The following DOCK8 variants were observed in gnomAD, a reference collection of about 807,000 sequenced individuals.
DOCK8 encodes dedicator of cytokinesis 8.
In DOCK8, 141 loss-of-function variants were observed where a neutral mutation model predicts 245.6. That is an observed-to-expected ratio of 0.57 (90% CI 0.50 to 0.66). DOCK8 has a LOEUF of 0.66. DOCK8 is among the 30% of genes least tolerant of loss of function. The probability of loss-of-function intolerance (pLI) is 0.00; values close to 1 mark genes in which losing one functional copy is unlikely to be tolerated. For missense variants in DOCK8, 2,965 were observed against 2,603.4 expected, an observed-to-expected ratio of 1.14 and a Z score of -3.02; for synonymous variants, 1,168 against 970.2, an observed-to-expected ratio of 1.20 and a Z score of -3.79.
intron 2 of DOCK8, among the ~76,000 whole-genome samples, chr9:284,745 T>C (rs1277712100): frequency 6.6e-6 from 1 of 152,200 alleles, no homozygotes; most frequent in African/African-American, 2.4e-5. Context: ...ATATACACCA[T>C]GGAATACTAT....
chr9:416,543 G>GA (rs1396634536), intron 29 of DOCK8, among the ~76,000 whole-genome samples: 2 of 151,962 alleles, frequency 1.3e-5, no homozygotes, highest in Non-Finnish European at 2.9e-5. Context: ...GCTGATGAGA[G>GA]AAAAAAACAG....
chr9:300,076 A>AAGCTAGTCTT (rs1250106961), intron 4 of DOCK8, among the ~76,000 whole-genome samples: 4 of 151,962 alleles, frequency 2.6e-5, no homozygotes, highest in African/African-American at 9.7e-5. Context: ...ATTAGTCACC[A>AAGCTAGTCTT]AGCTAGTCTT....
intron 1 of DOCK8, among the ~76,000 whole-genome samples, chr9:247,907 A>T (rs1393379382): frequency 6.6e-6 from 1 of 152,112 alleles, no homozygotes; most frequent in African/African-American, 2.4e-5. Context: ...TTAATAAATA[A>T]ACTAAAACAT....
intron 26 of DOCK8, among the ~76,000 whole-genome samples, chr9:400,064 TCACCATCACCATCACCACCACCTC>T (rs2054724370): frequency 1.0e-3 from 17 of 16,212 alleles, no homozygotes; most frequent in African/African-American, 1.1e-3. Context: ...ACCACCTCCT[TCACCATCACCATCACCACCACCTC>T]CACCATCACC....
chr9:428,233 G>A, intron 34 of DOCK8, 129 bp from the exon 35 acceptor site: 1 of 1,425,060 alleles, frequency 7.0e-7, no homozygotes, highest in Non-Finnish European at 9.8e-7. Flanking sequence ...GATACCCATG[G>A]TGGCTCACCA....
intron 14 of DOCK8, among the ~76,000 whole-genome samples, chr9:347,559 A>C (rs1410216): frequency 0.78 from 118,781 of 151,978 alleles, 47,115 homozygotes; most frequent in South Asian, 0.88. Context: ...GAAGCCCAGT[A>C]CTTGGTTTTA....
rs1563903392 is a variant in DOCK8, at chr9:307,335, TTTG to T, written c.528+2634_528+2636del. Among the ~76,000 whole-genome samples, 3 of 29,618 alleles carry T rather than the reference TTTG, an allele frequency of 1.0e-4. 1 individual carries two copies. Among genetic ancestry groups the T allele is most frequent in the African/African-American group, 1.5e-4 (2 of 13,040 alleles). 19.4% of individuals were successfully genotyped at this position (29,618 alleles called of 152,430 possible). On this transcript the variant is annotated intron_variant, in intron 5 of 47. Transcript: ENST00000432829. The stretch of plus-strand genomic sequence containing the variant: ...AGTCACTGTGTTGTGTGTGGTTTTT[TTTG>T]TTTTTTTTTTTTTTTTTTTTTTTTT...
intron 2 of DOCK8, among the ~76,000 whole-genome samples, chr9:276,414 T>C (rs1020305499): frequency 6.6e-6 from 1 of 152,234 alleles, no homozygotes; most frequent in African/African-American, 2.4e-5. Flanking sequence ...TTTTTCTTTT[T>C]GTTTTATTGG....
At chr9:432,521 A>G (rs1231971939) in intron 37 of DOCK8, among the ~76,000 whole-genome samples, 197 bp downstream of exon 37, 2 of 152,148 alleles carry the variant, frequency 1.3e-5, no homozygotes, top group Non-Finnish European at 2.9e-5. Context: ...CCCAGTCTCA[A>G]TATGCTAACA....
chr9:460,520 T>C (rs1012590550), intron 46 of DOCK8: 4 of 152,238 alleles, frequency 2.6e-5, no homozygotes, highest in Admixed American at 2.0e-4. Flanking sequence ...AGGGGTGATA[T>C]AGATTTCTCA....
intron 33 of DOCK8, among the ~76,000 whole-genome samples, chr9:425,975 G>C (rs529200541): frequency 6.6e-6 from 1 of 152,158 alleles, no homozygotes; most frequent in African/African-American, 2.4e-5. Flanking sequence ...GCAAGAACAG[G>C]TAAGTGGTAA....
chr9:453,713 C>A (rs1049276729), intron 46 of DOCK8, among the ~76,000 whole-genome samples: 10 of 152,164 alleles, frequency 6.6e-5, no homozygotes, highest in African/African-American at 2.4e-4. Flanking sequence ...AGGCATATAC[C>A]ACCGTGCCCG....
chr9:442,269 T>G (rs1238735933), intron 42 of DOCK8, among the ~76,000 whole-genome samples: 2 of 152,250 alleles, frequency 1.3e-5, no homozygotes, highest in Non-Finnish European at 2.9e-5. Context: ...GAATATTTAT[T>G]TTGAAGTCTG....
intron 23 of DOCK8, among the ~76,000 whole-genome samples, chr9:387,453 A>G (rs1390028414): frequency 1.3e-5 from 2 of 152,150 alleles, no homozygotes; most frequent in African/African-American, 4.8e-5. Flanking sequence ...AAAAAAAAAA[A>G]AAAAGAAAAA....
intron 14 of DOCK8, among the ~76,000 whole-genome samples, chr9:358,372 G>A (rs543898301): frequency 1.3e-5 from 2 of 152,322 alleles, no homozygotes; most frequent in South Asian, 4.1e-4. Context: ...GGGATTATAG[G>A]CCTGAGCCAC....
chr9:324,736 C>T (rs1563922004), intron 7 of DOCK8, among the ~76,000 whole-genome samples: 1 of 152,184 alleles, frequency 6.6e-6, no homozygotes, highest in Admixed American at 6.5e-5. Flanking sequence ...TGTCCCACTA[C>T]AAATCTAAGG....
At chr9:261,477 C>T (rs1410810760) in intron 1 of DOCK8, among the ~76,000 whole-genome samples, 2 of 152,144 alleles carry the variant, frequency 1.3e-5, no homozygotes, top group Non-Finnish European at 2.9e-5. Flanking sequence ...ACTAGCTACT[C>T]TATATGATTT....
At chr9:450,031 A>T in intron 45 of DOCK8, 104 bp downstream of exon 45, 1 of 1,270,542 alleles carries the variant, frequency 7.9e-7, no homozygotes, top group South Asian at 1.3e-5. Flanking sequence ...TTTGATCCAT[A>T]GACAAACACA....
intron 43 of DOCK8, among the ~76,000 whole-genome samples, chr9:444,356 T>TAA (rs2057185023): frequency 1.3e-5 from 2 of 149,766 alleles, no homozygotes; most frequent in South Asian, 4.2e-4. Flanking sequence ...ATAATAATAA[T>TAA]AATAATAATT....
Sources: allele counts gnomAD v4.1 joint callset (sites outside exome capture counted in the v4.1 genomes callset), GRCh38; gene constraint gnomAD v4.1.1; transcripts MANE v1.5; gene names NCBI Gene and HGNC (gene_info 2026-07-23, HGNC 2026-07-21).